The following HELLS variants were observed in gnomAD, a reference collection of about 807,000 sequenced individuals.
The protein encoded by HELLS is helicase, lymphoid specific.
HELLS carries 32 observed loss-of-function variants against 120.0 expected under a neutral mutation model. The ratio of observed to expected loss-of-function variants is 0.27; its 90% confidence interval spans 0.20 to 0.36. The LOEUF (loss-of-function observed/expected upper bound fraction) is 0.36. Ranked by LOEUF, HELLS falls within the 10% of genes least tolerant of loss-of-function variation. The probability of loss-of-function intolerance (pLI) is 1.00; values close to 1 mark genes in which losing one functional copy is unlikely to be tolerated. For synonymous variants in HELLS, 341 were observed against 323.4 expected, an observed-to-expected ratio of 1.05 and a Z score of -0.58; for missense variants, 650 against 993.4, an observed-to-expected ratio of 0.65 and a Z score of 4.65.
chr10:94,608,718 G>C (rs1261296615), intron 9 of HELLS, among the ~76,000 whole-genome samples: 4 of 151,246 alleles, frequency 2.6e-5, no homozygotes, highest in Non-Finnish European at 4.4e-5. Flanking sequence ...TCCTGGGCTT[G>C]AGGGATCCTC....
chr10:94,566,734 G>A (rs376286898), intron 6 of HELLS, among the ~76,000 whole-genome samples: 31 of 148,296 alleles, frequency 2.1e-4, no homozygotes, highest in African/African-American at 7.0e-4. Flanking sequence ...TGCAACCTCC[G>A]TCTCCCAGTT....
chr10:94,592,729 T>C (rs1845553688), intron 17 of HELLS, among the ~76,000 whole-genome samples: 1 of 145,604 alleles, frequency 6.9e-6, no homozygotes, highest in South Asian at 2.1e-4. Flanking sequence ...ATCTTATTAA[T>C]AATATCCTAC....
chr10:94,560,556 C>T (rs1234391236), intron 4 of HELLS, among the ~76,000 whole-genome samples: 2 of 151,672 alleles, frequency 1.3e-5, no homozygotes, highest in African/African-American at 4.8e-5. Flanking sequence ...ATTAGCTGGG[C>T]GTGGTGGTGT....
chr10:94,590,036 T>G (rs1176840649), intron 13 of HELLS, among the ~76,000 whole-genome samples: 1 of 152,182 alleles, frequency 6.6e-6, no homozygotes, highest in Non-Finnish European at 1.5e-5. Flanking sequence ...GGTCTAGCCG[T>G]TTACAAATTT....
chr10:94,546,547 G>T, intron 2 of HELLS, 49 bp downstream of exon 2: 1 of 1,610,632 alleles, frequency 6.2e-7, no homozygotes, highest in Non-Finnish European at 8.5e-7. Context: ...GGTAACCTCG[G>T]CTTTAACCCG....
chr10:94,604,466 C>A (rs570505681), downstream of HELLS, among the ~76,000 whole-genome samples: 4 of 150,626 alleles, frequency 2.7e-5, no homozygotes, highest in Non-Finnish European at 5.9e-5. Flanking sequence ...CCCCCGCCAC[C>A]CCCCACATAG....
intron 4 of HELLS, among the ~76,000 whole-genome samples, chr10:94,558,812 A>G (rs968700707): frequency 6.6e-6 from 1 of 152,088 alleles, no homozygotes; most frequent in Non-Finnish European, 1.5e-5. Context: ...TGTGTTAGCC[A>G]CGATGGTCTC....
rs776548060 is a variant in HELLS at position 94,590,750 on chromosome 10, A to G, written c.1741A>G (p.Ile581Val). 1.9e-6 allele frequency: 3 copies of G among 1,558,830 alleles called. No homozygotes were observed. The highest frequency in any genetic ancestry group is 1.1e-5 in the South Asian group (1 of 86,978). ...TCATCCATATTTGATTGAATATCCTATAGACCCTGTTACACAAGAATTTAA... is the reference window on the plus strand; with the variant it reads ...TCATCCATATTTGATTGAATATCCTGTAGACCCTGTTACACAAGAATTTAA... The part of the protein sequence containing the change: ...CNHPYLIEYP[I>V]DPVTQEFKID... The change falls in exon 15 of 22, where the codon ATA (isoleucine) becomes GTA (valine). Residue 581 changes from isoleucine to valine, a missense_variant. Physicochemically the swap from Ile to Val is conservative, Grantham distance 29 (BLOSUM62 3). Transcript: ENST00000348459.
intron 6 of HELLS, among the ~76,000 whole-genome samples, chr10:94,564,473 T>C (rs1180259836): frequency 1.3e-5 from 2 of 152,242 alleles, no homozygotes; most frequent in African/African-American, 2.4e-5. Flanking sequence ...TGAAGACTTT[T>C]ACGAAACTGA....
chr10:94,597,995 A>G (rs949346035), intron 21 of HELLS, among the ~76,000 whole-genome samples: 3 of 150,076 alleles, frequency 2.0e-5, no homozygotes, highest in Non-Finnish European at 4.4e-5. Flanking sequence ...GAGCCAGGAT[A>G]TATTGCTTCT....
intron 21 of HELLS, among the ~76,000 whole-genome samples, chr10:94,599,582 C>G (rs1262945599): frequency 6.6e-6 from 1 of 152,164 alleles, no homozygotes; most frequent in East Asian, 1.9e-4. Context: ...GTCTCACACT[C>G]CTGGGCTCAA....
chr10:94,595,967 T>C (rs968254565), intron 19 of HELLS, among the ~76,000 whole-genome samples: 2 of 152,218 alleles, frequency 1.3e-5, no homozygotes, highest in Non-Finnish European at 2.9e-5. Flanking sequence ...TAGATTGTAA[T>C]TGGAACTTGC....
At chr10:94,573,060 A>G (rs926438172) in intron 7 of HELLS, among the ~76,000 whole-genome samples, 11 of 152,076 alleles carry the variant, frequency 7.2e-5, no homozygotes, top group African/African-American at 2.4e-4. Flanking sequence ...CCCAGGTTCA[A>G]GCGATTCTCC....
rs541922937 is a variant in HELLS, at chr10:94,576,938, A to T, written c.1032+133A>T. On this transcript the variant is annotated intron_variant, in intron 10 of 21. Transcript: ENST00000348459. The stretch of plus-strand genomic sequence containing the variant: ...CGAAATAATAGATTATATTGTGCAT[A>T]TACCTGTAGAAGCTGGAAACTTTTA... 1.2e-5 allele frequency: 9 copies of T among 723,384 alleles called. No individual in the cohort carries two copies. The South Asian group carries it at 1.8e-4, about 15-fold the overall frequency. 44.8% of individuals were successfully genotyped at this position (723,384 alleles called of 1,614,324 possible). A position where few individuals can be genotyped will look rare whatever the true frequency, so the allele number is the denominator to read the frequency against.
intron 10 of HELLS, among the ~76,000 whole-genome samples, chr10:94,578,057 C>G (rs1330453460): frequency 5.7e-5 from 7 of 122,742 alleles, no homozygotes; most frequent in Non-Finnish European, 9.5e-5. Context: ...GCCGACAGAG[C>G]GAGACTCCGT....
chr10:94,588,381 A>G lies in HELLS; in HGVS notation c.1479A>G (p.Gly493=), dbSNP rs2134099916. ...ACCGTACAATTGCAAACATGTTTGG[A>G]TCCAGTGAGGTATAGTGGTTTTGAA... ...IVNRTIANMF[G]SSEKETIELS... Residue 493 remains glycine (G), a synonymous_variant, in exon 13 of 22, where the codon GGA becomes GGG. Transcript: ENST00000348459. 6.2e-7 allele frequency: 1 copy of G among 1,602,666 alleles called. No homozygotes were observed. Among genetic ancestry groups the G allele is most frequent in the Non-Finnish European group, 8.5e-7 (1 of 1,175,214 alleles).
At chr10:94,546,715 C>A (rs1213026486) in intron 2 of HELLS, among the ~76,000 whole-genome samples, 1 of 152,178 alleles carries the variant, frequency 6.6e-6, no homozygotes, top group Non-Finnish European at 1.5e-5. Flanking sequence ...GAGATGTAGT[C>A]TTGGTAGTCC....
At chr10:94,607,262 A>G (rs760616444) in intron 8 of HELLS, among the ~76,000 whole-genome samples, 11 of 151,978 alleles carry the variant, frequency 7.2e-5, no homozygotes, top group African/African-American at 2.2e-4. Context: ...ACCTCTATCT[A>G]ACACTGATAC....
At chr10:94,571,115 T>G in intron 6 of HELLS, 1 of 264,418 alleles carries the variant, frequency 3.8e-6, no homozygotes, top group Admixed American at 5.6e-5. Flanking sequence ...TTGTACTTAA[T>G]CTACTCAGAT....
Sources: gnomAD v4.1 joint callset for allele counts (sites outside exome capture counted in the v4.1 genomes callset) on GRCh38, gnomAD v4.1.1 for gene constraint, MANE v1.5 for transcripts, NCBI Gene and HGNC (gene_info 2026-07-23, HGNC 2026-07-21) for gene names.